The following LRBA variants were observed in gnomAD, a reference collection of about 807,000 sequenced individuals.
The protein encoded by LRBA is lipopolysaccharide-responsive and beige-like anchor protein.
Under a neutral mutation model 330.0 loss-of-function variants are expected in LRBA, and 176 were observed. The ratio of observed to expected loss-of-function variants is 0.53; its 90% CI spans 0.47 to 0.60. The LOEUF (loss-of-function observed/expected upper bound fraction) is 0.60. LRBA is among the 20% of genes least tolerant of loss of function. The pLI is 0.00. For synonymous variants in LRBA, 1,230 were observed against 1,193.0 expected, an observed-to-expected ratio of 1.03 and a Z score of -0.64; for missense variants, 3,259 against 3,444.8, an observed-to-expected ratio of 0.95 and a Z score of 1.35.
intron 44 of LRBA, among the ~76,000 whole-genome samples, chr4:150,452,924 A>AAAC (rs755536527): frequency 6.6e-6 from 1 of 152,220 alleles, no homozygotes; most frequent in African/African-American, 2.4e-5. Flanking sequence ...TACTGGCAAC[A>AAAC]AACAACTGGA....
chr4:150,278,843 G>C (rs567534624), intron 55 of LRBA, among the ~76,000 whole-genome samples: 1 of 150,102 alleles, frequency 6.7e-6, no homozygotes, highest in South Asian at 2.1e-4. Flanking sequence ...TTCCCCCCTC[G>C]AGACAGGGTC....
chr4:150,636,052 T>C (rs1163829621), intron 37 of LRBA, among the ~76,000 whole-genome samples: 1 of 152,118 alleles, frequency 6.6e-6, no homozygotes, highest in African/African-American at 2.4e-5. Context: ...AGAGTGATAC[T>C]ATGATCTTCT....
intron 47 of LRBA, among the ~76,000 whole-genome samples, chr4:150,384,560 C>A (rs1742774156): frequency 6.6e-6 from 1 of 152,108 alleles, no homozygotes; most frequent in African/African-American, 2.4e-5. Flanking sequence ...TTCCTTTAAA[C>A]TTAGACCCAG....
At chr4:150,653,838 C>T (rs1008589794) in intron 37 of LRBA, among the ~76,000 whole-genome samples, 1 of 152,122 alleles carries the variant, frequency 6.6e-6, no homozygotes, top group African/African-American at 2.4e-5. Context: ...AACTGTATTT[C>T]AGCATGTATC....
At chr4:150,408,690 A>G (rs1046675437) in intron 47 of LRBA, among the ~76,000 whole-genome samples, 6 of 152,184 alleles carry the variant, frequency 3.9e-5, no homozygotes, top group African/African-American at 9.7e-5. Context: ...AGGACATATC[A>G]AAAGAACTTA....
intron 35 of LRBA, among the ~76,000 whole-genome samples, chr4:150,755,641 C>T (rs1301809178): frequency 6.6e-6 from 1 of 151,998 alleles, no homozygotes; most frequent in Admixed American, 6.6e-5. Context: ...TTTTTACTAT[C>T]AAACATTTAA....
chr4:150,800,559 C>A (rs1741461980), intron 33 of LRBA, among the ~76,000 whole-genome samples: 1 of 152,210 alleles, frequency 6.6e-6, no homozygotes, highest in African/African-American at 2.4e-5. Flanking sequence ...GTAAATCTCT[C>A]TTCAGATTTA....
At chr4:150,800,527 CA>C (rs1328939497) in intron 33 of LRBA, among the ~76,000 whole-genome samples, 1 of 151,954 alleles carries the variant, frequency 6.6e-6, no homozygotes, top group Non-Finnish European at 1.5e-5. Context: ...ATCACATGTG[CA>C]AAAAAACAAA....
At chr4:150,548,626 A>G (rs1315994149) in intron 40 of LRBA, among the ~76,000 whole-genome samples, 1 of 152,142 alleles carries the variant, frequency 6.6e-6, no homozygotes, top group Non-Finnish European at 1.5e-5. Context: ...GCTGTTAAAA[A>G]CAGATTTAAA....
rs565050114 is a variant in LRBA, at chr4:150,425,291, A to G, written c.7042-9701T>C. Among the ~76,000 whole-genome samples the G allele has an allele frequency of 2.6e-4, 40 of 152,326 alleles. No individual in the cohort carries two copies. In the South Asian group the frequency reaches 8.1e-3, roughly 31 times the overall value. On this transcript the variant is annotated intron_variant, in intron 46 of 56. Coordinates refer to ENST00000651943, the MANE Select transcript of LRBA (RefSeq NM_001364905.1). Reference sequence around the variant, plus strand: ...CACATGTTCAGCAATTCTTTAAAACATCAGTGGAAAATGATAAGTAAACAA... The same window carrying G: ...CACATGTTCAGCAATTCTTTAAAACGTCAGTGGAAAATGATAAGTAAACAA...
intron 53 of LRBA, among the ~76,000 whole-genome samples, chr4:150,302,424 A>G (rs983764966): frequency 4.6e-5 from 7 of 152,238 alleles, no homozygotes; most frequent in Non-Finnish European, 7.3e-5. Context: ...AATATGAAAC[A>G]TAAGATTTCA....
intron 37 of LRBA, among the ~76,000 whole-genome samples, chr4:150,665,114 C>T (rs934903879): frequency 6.6e-5 from 10 of 152,222 alleles, no homozygotes; most frequent in South Asian, 2.1e-4. Context: ...CCTTTCCTTA[C>T]GCAATCACAC....
intron 36 of LRBA, among the ~76,000 whole-genome samples, chr4:150,688,351 C>G (rs577149110): frequency 3.3e-5 from 5 of 152,154 alleles, no homozygotes; most frequent in Non-Finnish European, 7.4e-5. Context: ...CATAAAAACC[C>G]TAGAAGAAAA....
At chr4:150,351,325 G>T (rs1358725888) in intron 47 of LRBA, among the ~76,000 whole-genome samples, 1 of 151,986 alleles carries the variant, frequency 6.6e-6, no homozygotes, top group Non-Finnish European at 1.5e-5. Flanking sequence ...TAGCATTATG[G>T]ATTAGTTTAA....
chr4:150,531,872 G>C (rs1411956921), intron 40 of LRBA, among the ~76,000 whole-genome samples: 1 of 152,262 alleles, frequency 6.6e-6, no homozygotes, highest in East Asian at 1.9e-4. Context: ...ACACTTTCCA[G>C]ATCTCAAATG....
At chr4:150,920,342 A>T (rs1339671367) in intron 5 of LRBA, among the ~76,000 whole-genome samples, 1 of 152,182 alleles carries the variant, frequency 6.6e-6, no homozygotes, top group Non-Finnish European at 1.5e-5. Context: ...TGAGGTCAGG[A>T]ATTCGAGACA....
Position 150,482,624 on chromosome 4 carries a change from A to T in LRBA, c.6551+5108T>A, listed in dbSNP as rs540335029. Among the ~76,000 whole-genome samples the T allele has an allele frequency of 1.3e-5, 2 of 152,130 alleles. 1 individual carries two copies. The highest frequency in any genetic ancestry group is 4.1e-4 in the South Asian group (2 of 4,824). ...TATGAAAGTGCCAAATTGTTTACAAAGAAGTCGTACCACTTTACTTCCCCA... is the reference window on the plus strand; with the variant it reads ...TATGAAAGTGCCAAATTGTTTACAATGAAGTCGTACCACTTTACTTCCCCA... On this transcript the variant is annotated intron_variant, in intron 42 of 56. Transcript: ENST00000651943.
chr4:150,343,262 A>T (rs905226300), intron 48 of LRBA, among the ~76,000 whole-genome samples: 1 of 152,172 alleles, frequency 6.6e-6, no homozygotes, highest in African/African-American at 2.4e-5. Context: ...GTTTATGAAG[A>T]CAGAGAGGCA....
At chr4:150,788,009 A>G (rs1428998338) in intron 34 of LRBA, among the ~76,000 whole-genome samples, 1 of 152,150 alleles carries the variant, frequency 6.6e-6, no homozygotes, top group Non-Finnish European at 1.5e-5. Flanking sequence ...TTTTTGAGGA[A>G]CTAAAAACCA....
Sources: gnomAD v4.1 joint callset for allele counts (sites outside exome capture counted in the v4.1 genomes callset) on GRCh38, gnomAD v4.1.1 for gene constraint, MANE v1.5 for transcripts, NCBI Gene and HGNC (gene_info 2026-07-23, HGNC 2026-07-21) for gene names.